BAHCC1: variants seen among roughly 807,000 people sequenced by gnomAD.
BAHCC1 encodes the protein BAH and coiled-coil domain-containing protein 1.
BAHCC1 carries 43 observed loss-of-function variants against 88.2 expected under a neutral mutation model. The observed-to-expected ratio is 0.49, with a 90% CI of 0.38 to 0.63. The LOEUF is 0.63. Among genes scored for constraint, BAHCC1 ranks in the 20% least tolerant of loss-of-function variants. The pLI, the probability that BAHCC1 is intolerant of heterozygous loss-of-function variation, is 0.00. For synonymous variants in BAHCC1, 1,510 were observed against 745.5 expected, an observed-to-expected ratio of 2.03 and a Z score of -16.71; for missense variants, 3,023 against 1,654.8, an observed-to-expected ratio of 1.83 and a Z score of -14.34.
At chr17:81,423,612 G>C (rs2064140889) in intron 2 of BAHCC1, among the ~76,000 whole-genome samples, 1 of 152,230 alleles carries the variant, frequency 6.6e-6, no homozygotes, top group African/African-American at 2.4e-5. Flanking sequence ...GCTGCCCGTG[G>C]GATGGAGACG....
chr17:81,412,283 T>A (rs1475328036), intron 2 of BAHCC1, among the ~76,000 whole-genome samples: 1 of 152,260 alleles, frequency 6.6e-6, no homozygotes, highest in Non-Finnish European at 1.5e-5. Flanking sequence ...CCTTTGGGTG[T>A]CCTAAAAATA....
At chr17:81,421,781 G>A (rs1218814155) in intron 2 of BAHCC1, among the ~76,000 whole-genome samples, 7 of 152,144 alleles carry the variant, frequency 4.6e-5, no homozygotes, top group Non-Finnish European at 1.5e-5. Context: ...AGCAGCTGCC[G>A]CCAGAGCCAG....
chr17:81,403,834 C>T (rs1210269966), intron 2 of BAHCC1, among the ~76,000 whole-genome samples: 9 of 152,112 alleles, frequency 5.9e-5, no homozygotes, highest in Non-Finnish European at 1.0e-4. Context: ...CCGCGTGGAC[C>T]GGCGGCGGTG....
chr17:81,447,343 G>T lies in BAHCC1; in HGVS notation c.3471G>T (p.Leu1157=). The T allele has an allele frequency of 1.3e-5, 10 of 746,642 alleles. No homozygotes were observed. The highest frequency in any genetic ancestry group is 2.0e-5 in the Non-Finnish European group (8 of 402,720). The allele number at this position is 746,642 out of a possible 1,614,324, so 46.3% of individuals were successfully genotyped here. A position where few individuals can be genotyped will look rare whatever the true frequency, so the allele number is the denominator to read the frequency against. The change falls in exon 11 of 28, where the codon CTG becomes CTT. Residue 1157 remains leucine (L), a synonymous_variant. Transcript: ENST00000675386. ...GCCCACTAGAGGGGCTACAAGAACT[G>T]CAATGTGCGGCCCTCCTGGAGGCAG... ...DPSPLEGLQE[L]QCAALLEAGG...
intron 2 of BAHCC1, chr17:81,415,383 G>T: frequency 3.0e-6 from 1 of 333,202 alleles, no homozygotes; most frequent in South Asian, 2.2e-5. Flanking sequence ...AGGTGGCTGG[G>T]TGTGAACCAC....
rs1443580274 is a variant in BAHCC1 at position 81,462,197 on chromosome 17, C to T, written c.7383+151C>T. Among the ~76,000 whole-genome samples the T allele has an allele frequency of 3.3e-5, 5 of 152,264 alleles. No individual in the cohort carries two copies. In the East Asian group the frequency reaches 9.6e-4, roughly 29 times the overall value. On this transcript the variant is annotated intron_variant, in intron 26 of 27. Coordinates refer to ENST00000675386, the MANE Select transcript of BAHCC1 (RefSeq NM_001377448.1). Reference sequence around the variant, plus strand: ...AAAACTCAAGGGAAGAACAAAGACCCATCCATGACCCAGTGAGGCAGCCGC... The same window carrying T: ...AAAACTCAAGGGAAGAACAAAGACCTATCCATGACCCAGTGAGGCAGCCGC...
rs1383254231 is a variant in BAHCC1, at chr17:81,411,323, C to G, written c.178+11406C>G. On this transcript the variant is annotated intron_variant, in intron 2 of 27. Transcript: ENST00000675386. The surrounding 1 kb of genome is among the most constrained non-coding windows in gnomAD (Gnocchi z 6.2). ...GCAGGAGCTGGACGTGCCGTCAGCC[C>G]AGGCCCCTGAGAGTGAGGCTGGAGA... 2.0e-5 allele frequency among the ~76,000 whole-genome samples: 3 copies of G among 151,904 alleles called. No homozygotes were observed. Among genetic ancestry groups the G allele is most frequent in the African/African-American group, 7.3e-5 (3 of 41,368 alleles).
chr17:81,458,029 A>AGGGCAGAGGTTGCTGGGTAACCCGGGGGC, intron 17 of BAHCC1, 136 bp from the exon 18 acceptor site: 1 of 439,168 alleles, frequency 2.3e-6, no homozygotes, highest in Non-Finnish European at 3.9e-6. Flanking sequence ...CAGGAGGGGG[A>AGGGCAGAGGTTGCTGGGTAACCCGGGGGC]GGGCAGAGGT....
At chr17:81,410,395 GC>G (rs1745070295) in intron 2 of BAHCC1, among the ~76,000 whole-genome samples, 1 of 152,232 alleles carries the variant, frequency 6.6e-6, no homozygotes, top group African/African-American at 2.4e-5. Flanking sequence ...CCTTAGTCTG[GC>G]CGTAGAACTA....
At chr17:81,449,911 G>C (rs782140941) in intron 11 of BAHCC1, among the ~76,000 whole-genome samples, 1 of 152,152 alleles carries the variant, frequency 6.6e-6, no homozygotes, top group Non-Finnish European at 1.5e-5. Flanking sequence ...AAGCAGCCAC[G>C]CACCATGGAG....
chr17:81,448,833 T>G (rs2064580901), intron 11 of BAHCC1, among the ~76,000 whole-genome samples: 1 of 152,022 alleles, frequency 6.6e-6, no homozygotes, highest in South Asian at 2.1e-4. Flanking sequence ...TGCAGAGGGT[T>G]TGAGGAAGCT....
chr17:81,427,710 G>A (rs1010206299), intron 3 of BAHCC1, among the ~76,000 whole-genome samples: 1 of 152,160 alleles, frequency 6.6e-6, no homozygotes, highest in Admixed American at 6.5e-5. Context: ...CCTACAGCGT[G>A]GGAAGGGTTA....
chr17:81,455,906 C>T (rs1485464033), intron 15 of BAHCC1, among the ~76,000 whole-genome samples: 1 of 152,152 alleles, frequency 6.6e-6, no homozygotes, highest in South Asian at 2.1e-4. Flanking sequence ...GTGGCCTCGG[C>T]GGGGCTGGTG....
intron 7 of BAHCC1, 33 bp from the exon 8 acceptor site, chr17:81,444,635 C>T (rs1013623629): frequency 9.2e-6 from 7 of 764,326 alleles, no homozygotes; most frequent in East Asian, 2.4e-5. Context: ...CCCGAGAGTG[C>T]GAGGCCTGAC....
At chr17:81,457,718 C>G in intron 17 of BAHCC1, 126 bp downstream of exon 17, 1 of 559,228 alleles carries the variant, frequency 1.8e-6, no homozygotes, top group Non-Finnish European at 3.1e-6. Flanking sequence ...GCTGGGTAAC[C>G]AGGAGGGAGG....
In BAHCC1 at chr17:81,459,367, C is replaced by G. The variant is rs944106810; in HGVS notation, c.5796+39C>G. On this transcript the variant is annotated intron_variant, in intron 22 of 27. Transcript: ENST00000675386. ...CGGCCCGCCCCGGGGAGGGGCCTGG[C>G]TGGCTTGTCCCAGGACAAAGGAAGG... 4 of 767,906 alleles carry G rather than the reference C, an allele frequency of 5.2e-6. No individual in the cohort carries two copies. The African/African-American group carries it at 6.8e-5, about 13-fold the overall frequency. The allele number at this position is 767,906 out of a possible 1,614,324, so 47.6% of individuals were successfully genotyped here.
chr17:81,460,251 T>A, intron 23 of BAHCC1, 26 bp from the exon 24 acceptor site: 1 of 743,614 alleles, frequency 1.3e-6, no homozygotes. Context: ...GGGTTCCAGC[T>A]GCAAGCTCAG....
intron 14 of BAHCC1, 46 bp from the exon 15 acceptor site, chr17:81,455,221 C>A (rs191519147): frequency 1.4e-6 from 1 of 701,100 alleles, no homozygotes; most frequent in Non-Finnish European, 2.6e-6. Flanking sequence ...AAGGCTGGGG[C>A]GGCCGGGCCT....
rs782314841 is a variant in BAHCC1 at position 81,442,289 on chromosome 17, G to T, written c.940G>T (p.Val314Leu). 1.6e-6 allele frequency: 1 copy of T among 631,940 alleles called. No individual in the cohort carries two copies. The allele number at this position is 631,940 out of a possible 1,614,324, so 39.1% of individuals were successfully genotyped here. A position where few individuals can be genotyped will look rare whatever the true frequency, so the allele number is the denominator to read the frequency against. The change falls in exon 5 of 28, where the codon GTG (valine) becomes TTG (leucine). Residue 314 changes from valine (V) to leucine (L), a missense_variant. Transcript: ENST00000675386. ...CATGCTGGGGCGGCCTGGCACGGGG[G>T]TGGTGACCTCCGGGCGCTGTGCAAA... ...GGMLGRPGTG[V>L]VTSGRCAKEA... is the part of the protein sequence containing the mutation.
Sources: gnomAD v4.1 joint callset for allele counts (sites outside exome capture counted in the v4.1 genomes callset) on GRCh38, gnomAD v4.1.1 for gene constraint, Gnocchi (gnomAD v3.1) non-coding constraint, MANE v1.5 for transcripts, NCBI Gene and HGNC (gene_info 2026-07-23, HGNC 2026-07-21) for gene names.